WDR62: variants seen among roughly 807,000 people sequenced by gnomAD.
WDR62 encodes the protein WD repeat-containing protein 62.
WDR62 carries 112 observed loss-of-function variants against 160.6 expected under a neutral mutation model. The observed-to-expected ratio is 0.70, with a 90% CI of 0.60 to 0.82. The LOEUF is 0.82. Ranked by LOEUF, WDR62 falls within the 40% of genes least tolerant of loss-of-function variation. The pLI is 0.00. For synonymous variants in WDR62, 792 were observed against 815.1 expected (o/e 0.97, Z 0.48); for missense variants, 1,819 against 1,983.8 (o/e 0.92, Z 1.58).
chr19:36,097,131 C>G, intron 21 of WDR62, 52 bp downstream of exon 21: 1 of 1,564,228 alleles, frequency 6.4e-7, no homozygotes, highest in African/African-American at 1.4e-5. Flanking sequence ...AAACGCCTCC[C>G]CAGCTCTGCC....
chr19:36,099,471 G>A lies in WDR62; in HGVS notation c.2593G>A (p.Ala865Thr). 1 of 1,613,960 alleles carries A rather than the reference G, an allele frequency of 6.2e-7. No homozygotes were observed. Among genetic ancestry groups the A allele is most frequent in the South Asian group, 1.1e-5 (1 of 91,090 alleles). The change falls in exon 22 of 32, where the codon GCA becomes ACA. Residue 865 changes from alanine to threonine, a missense_variant. Coordinates refer to ENST00000401500, the MANE Select transcript of WDR62 (RefSeq NM_001083961.2). ...KRSYQPHGRW[A>T]ERAGQEPLKT... The stretch of plus-strand genomic sequence containing the variant: ...CAGCTACCAGCCCCACGGCCGCTGG[G>A]CAGAGCGGGCCGGCCAAGAGCCCCT...
At chr19:36,104,448 C>T (rs1308737991) in intron 30 of WDR62, 70 bp from the exon 31 acceptor site, 114 of 1,586,058 alleles carry the variant, frequency 7.2e-5, no homozygotes, top group Non-Finnish European at 5.2e-6. Context: ...ATGGAGTCCA[C>T]CCAGTCGCTC....
intron 9 of WDR62, among the ~76,000 whole-genome samples, chr19:36,077,148 C>T (rs1046791790): frequency 1.3e-5 from 2 of 152,034 alleles, no homozygotes; most frequent in African/African-American, 4.8e-5. Context: ...AATCCTGTAT[C>T]TGTTAAGCAG....
At chr19:36,062,659 A>AAAC (rs1970713326) in intron 3 of WDR62, 1 of 149,180 alleles carries the variant, frequency 6.7e-6, no homozygotes, top group African/African-American at 2.5e-5. Flanking sequence ...CAAAAAAAAA[A>AAAC]AAAAAAAAAA....
intron 9 of WDR62, among the ~76,000 whole-genome samples, chr19:36,080,393 C>G (rs1031528772): frequency 6.6e-6 from 1 of 151,740 alleles, no homozygotes; most frequent in African/African-American, 2.4e-5. Flanking sequence ...GGATTACAGG[C>G]GGGAGCCACC....
intron 19 of WDR62, 106 bp downstream of exon 19, chr19:36,092,917 C>G (rs1324576801): frequency 6.6e-7 from 1 of 1,523,110 alleles, no homozygotes; most frequent in East Asian, 2.3e-5. Context: ...AGGCCCTGCC[C>G]TTAGCACACT....
chr19:36,074,002 T>A (rs1004941696), intron 9 of WDR62: 11 of 325,808 alleles, frequency 3.4e-5, no homozygotes, highest in Admixed American at 2.0e-4. Flanking sequence ...CTGCTTTTTT[T>A]AAAAAGGAGT....
chr19:36,100,771 C>G lies in WDR62; in HGVS notation c.2763C>G (p.Gly921=), dbSNP rs142747442. The G allele has an allele frequency of 2.4e-5, 39 of 1,614,168 alleles. No individual in the cohort carries two copies. The African/African-American group carries it at 4.5e-4, about 19-fold the overall frequency. ...AGTCAGAGAGTCCCCAGGAAGCTGG[C>G]CGCGGGCACCCCTCCTTCCTGCCCC... is the stretch of plus-strand genomic sequence containing the variant. ...LSESESPQEA[G]RGHPSFLPQQ... The change falls in exon 23 of 32, where the codon GGC becomes GGG. Residue 921 remains glycine, a synonymous_variant. Transcript: ENST00000401500.
chr19:36,064,928 C>A (rs898571287), intron 3 of WDR62, among the ~76,000 whole-genome samples: 3 of 152,204 alleles, frequency 2.0e-5, no homozygotes, highest in Non-Finnish European at 2.9e-5. Context: ...GGCTTCTGGT[C>A]TTGAAGTCAC....
At chr19:36,071,450 A>T in intron 7 of WDR62, 106 bp from the exon 8 acceptor site, 2 of 1,310,656 alleles carry the variant, frequency 1.5e-6, no homozygotes, top group Non-Finnish European at 2.2e-6. Context: ...GACCCAAGGA[A>T]CTGTAAGTCT....
At position 36,067,905 on chromosome 19, in the gene WDR62, C is replaced by T. The variant is rs773309173; in HGVS notation, c.777C>T (p.Ala259=). 1.2e-6 allele frequency: 2 copies of T among 1,614,194 alleles called. No individual in the cohort carries two copies. Among genetic ancestry groups the T allele is most frequent in the East Asian group, 4.5e-5 (2 of 44,886 alleles). The change falls in exon 7 of 32, where the codon GCC becomes GCT. Residue 259 remains alanine, a synonymous_variant. Coordinates refer to ENST00000401500, the MANE Select transcript of WDR62 (RefSeq NM_001083961.2). ...ELHNNIFCGV[A]CGRGRMAGST... ...ACAACAACATCTTCTGTGGTGTGGC[C>T]TGCGGTCGGGGCCGGATGGCGGGCA...
At chr19:36,080,871 C>A (rs531653372) in intron 9 of WDR62, among the ~76,000 whole-genome samples, 1 of 152,282 alleles carries the variant, frequency 6.6e-6, no homozygotes, top group Non-Finnish European at 1.5e-5. Flanking sequence ...TCAAAATTAT[C>A]TTTTAGTTCT....
At position 36,063,826 on chromosome 19, in the gene WDR62, T is replaced by G. The variant is rs527283259; in HGVS notation, c.333-2132T>G. Among the ~76,000 whole-genome samples, 4 of 152,386 alleles carry G rather than the reference T, an allele frequency of 2.6e-5. No individual in the cohort carries two copies. In the South Asian group the frequency reaches 8.3e-4, roughly 32 times the overall value. On this transcript the variant is annotated intron_variant, in intron 3 of 31. Coordinates refer to ENST00000401500, the MANE Select transcript of WDR62 (RefSeq NM_001083961.2). ...GATTAGCAGGTATCCTGGGGACATC[T>G]TTCCTGAGACAGTGCAAATATTATC...
chr19:36,101,146 G>C, intron 23 of WDR62, 68 bp from the exon 24 acceptor site: 1 of 1,454,462 alleles, frequency 6.9e-7, no homozygotes, highest in East Asian at 2.4e-5. Flanking sequence ...TAGGGGCTCC[G>C]GGTGGGGCTA....
intron 7 of WDR62, among the ~76,000 whole-genome samples, chr19:36,069,995 AGGGAGAGGGAGACCGTG>A (rs982112030): frequency 1.8e-5 from 2 of 112,736 alleles, no homozygotes; most frequent in African/African-American, 8.1e-5. Flanking sequence ...GTGGAAAGAG[AGGGAGAGGGAGACCGTG>A]GGGAGAGGGA....
At chr19:36,071,193 ACT>A (rs1971276778) in intron 7 of WDR62, 1 of 262,374 alleles carries the variant, frequency 3.8e-6, no homozygotes, top group Non-Finnish European at 7.5e-6. Context: ...GCAACAAAAA[ACT>A]CTATCTCAAA....
rs1445762486 is a variant in WDR62, at chr19:36,071,748, G to T, written c.1043+32G>T. ...CCCTGTGGGGAGAGGGAATGGGAGG[G>T]GCCCACCCAGAGTCTGTCCACTGGC... On this transcript the variant is annotated intron_variant, in intron 8 of 31. Transcript: ENST00000401500. 2.5e-6 allele frequency: 4 copies of T among 1,599,846 alleles called. No homozygotes were observed. The Admixed American group carries it at 6.7e-5, about 27-fold the overall frequency.
Position 36,058,798 on chromosome 19 carries a change from C to T in WDR62, c.196C>T (p.Leu66Phe). ...TTTGCAGGTGTCACTCGAGAAGGTG[C>T]TTGGCATCACAGCCCAGAACAGCAG... ...VQNRVSLEKV[L>F]GITAQNSSGL... Residue 66 changes from leucine to phenylalanine, a missense_variant, in exon 2 of 32, where the codon CTT becomes TTT. Coordinates refer to ENST00000401500, the MANE Select transcript of WDR62 (RefSeq NM_001083961.2). 3 of 1,614,172 alleles carry T rather than the reference C, an allele frequency of 1.9e-6. No individual in the cohort carries two copies. The highest frequency in any genetic ancestry group is 2.5e-6 in the Non-Finnish European group (3 of 1,180,004).
chr19:36,100,264 T>G (rs1048749386), intron 22 of WDR62, among the ~76,000 whole-genome samples: 8 of 152,186 alleles, frequency 5.3e-5, no homozygotes, highest in African/African-American at 1.9e-4. Context: ...AAAATTCATT[T>G]TTATCCTATC....
Sources: gnomAD v4.1 joint callset for allele counts (sites outside exome capture counted in the v4.1 genomes callset) on GRCh38, gnomAD v4.1.1 for gene constraint, MANE v1.5 for transcripts, NCBI Gene and HGNC (gene_info 2026-07-23, HGNC 2026-07-21) for gene names.